TCF4: variants seen among roughly 807,000 people sequenced by gnomAD.
TCF4 encodes the protein SL3-3 enhancer factor 2.
A neutral mutation model predicts 82.1 loss-of-function variants in TCF4; 3 were observed. That is an observed-to-expected ratio of 0.04 (90% confidence interval 0.02 to 0.09). The LOEUF (loss-of-function observed/expected upper bound fraction) is 0.09, where lower values mean the gene tolerates loss of function less well. Ranked by LOEUF, TCF4 falls within the 10% of genes least tolerant of loss-of-function variation. The pLI is 1.00. For synonymous variants in TCF4, 276 were observed against 309.6 expected, an observed-to-expected ratio of 0.89 and a Z score of 1.14; for missense variants, 518 against 852.7, an observed-to-expected ratio of 0.61 and a Z score of 4.89.
intron 6 of TCF4, among the ~76,000 whole-genome samples, chr18:55,393,938 T>C (rs762810188): frequency 6.6e-6 from 1 of 152,234 alleles, no homozygotes; most frequent in Non-Finnish European, 1.5e-5. Context: ...TCAATAAAAC[T>C]ACATATGCCT....
chr18:55,548,393 G>A (rs1335440568), intron 3 of TCF4, among the ~76,000 whole-genome samples: 1 of 152,148 alleles, frequency 6.6e-6, no homozygotes, highest in Non-Finnish European at 1.5e-5. Flanking sequence ...TCTGGTTCCT[G>A]GTGGCATGCT....
In TCF4 at chr18:55,311,329, G is replaced by A. The variant is rs898401693; in HGVS notation, c.550-31673C>T. Among the ~76,000 whole-genome samples the A allele has an allele frequency of 2.0e-5, 3 of 152,160 alleles. No individual in the cohort carries two copies. In the South Asian group the frequency reaches 6.2e-4, roughly 31 times the overall value. ...TTGCAAGCAGGACTTCCCAACCTCAGCACTTCTGAGGGTCTGTCTTGCACG... is the reference window on the plus strand; with the variant it reads ...TTGCAAGCAGGACTTCCCAACCTCAACACTTCTGAGGGTCTGTCTTGCACG... On this transcript the variant is annotated intron_variant, in intron 8 of 19. Transcript: ENST00000354452.
Position 55,621,634 on chromosome 18 carries a change from TATTATATAATATAC to T in TCF4, c.286+9650_286+9663del, listed in dbSNP as rs570527288. On this transcript the variant is annotated intron_variant, in intron 2 of 20. Transcript: ENST00000398339. ...TATATAATATTATATATAATATATA[TATTATATAATATAC>T]ATTATATAATATACATTATATAATA... is the stretch of plus-strand genomic sequence containing the variant. Among the ~76,000 whole-genome samples, 7 of 23,612 alleles carry T rather than the reference TATTATATAATATAC, an allele frequency of 3.0e-4. No individual in the cohort carries two copies. In the East Asian group the frequency reaches 4.2e-3, roughly 14 times the overall value. 15.5% of individuals were successfully genotyped at this position (23,612 alleles called of 152,430 possible). A position where few individuals can be genotyped will look rare whatever the true frequency, so the allele number is the denominator to read the frequency against.
At chr18:55,232,374 G>T in intron 17 of TCF4, 135 bp downstream of exon 17, 1 of 915,188 alleles carries the variant, frequency 1.1e-6, no homozygotes, top group South Asian at 1.6e-5. Flanking sequence ...AGTACTTCTA[G>T]AGTAGGCCTT....
chr18:55,261,941 A>C (rs2145741237), intron 11 of TCF4, among the ~76,000 whole-genome samples: 1 of 152,334 alleles, frequency 6.6e-6, no homozygotes, highest in East Asian at 1.9e-4. Context: ...TCTGTTTTCA[A>C]ATAAATAGAA....
chr18:55,587,451 AAGCCGCTCTTC>A (rs1025612460), intron 1 of TCF4, among the ~76,000 whole-genome samples: 1 of 150,500 alleles, frequency 6.6e-6, no homozygotes, highest in African/African-American at 2.4e-5. Context: ...GAAAAAAAAA[AAGCCGCTCTTC>A]AGCGCATCAT....
intron 8 of TCF4, among the ~76,000 whole-genome samples, chr18:55,324,295 G>A (rs563209844): frequency 1.1e-3 from 169 of 152,310 alleles, no homozygotes; most frequent in Middle Eastern, 6.8e-3. Flanking sequence ...GACACTGAAC[G>A]TATTATCATC....
chr18:55,384,124 C>T (rs1390944762), intron 6 of TCF4: 1 of 152,224 alleles, frequency 6.6e-6, no homozygotes, highest in African/African-American at 2.4e-5. Flanking sequence ...CTTTTCTGAT[C>T]TCTTCAATTA....
chr18:55,346,591 C>CA (rs1247264603), intron 8 of TCF4, among the ~76,000 whole-genome samples: 2 of 152,078 alleles, frequency 1.3e-5, no homozygotes, highest in Non-Finnish European at 2.9e-5. Flanking sequence ...ATCTGATGTT[C>CA]AAGAGATTCC....
chr18:55,475,786 T>C (rs2096276682), intron 3 of TCF4, among the ~76,000 whole-genome samples: 1 of 152,188 alleles, frequency 6.6e-6, no homozygotes. Context: ...GTAAGAAATA[T>C]TCTTCAATCG....
intron 3 of TCF4, among the ~76,000 whole-genome samples, chr18:55,483,124 C>T (rs375733745): frequency 3.9e-5 from 6 of 152,152 alleles, no homozygotes; most frequent in Non-Finnish European, 7.3e-5. Flanking sequence ...GCACCCTCGG[C>T]GACTCTTGGT....
chr18:55,234,504 A>C, intron 16 of TCF4, 44 bp downstream of exon 16: 1 of 1,613,960 alleles, frequency 6.2e-7, no homozygotes, highest in Non-Finnish European at 8.5e-7. Flanking sequence ...CACTGGTCCT[A>C]TTGTGAAAGT....
At chr18:55,467,752 G>C (rs184118700) in intron 3 of TCF4, among the ~76,000 whole-genome samples, 1 of 152,106 alleles carries the variant, frequency 6.6e-6, no homozygotes, top group Non-Finnish European at 1.5e-5. Flanking sequence ...GACACTGCAC[G>C]GTCTTTTATA....
At chr18:55,465,390 T>G (rs2095990628) in intron 3 of TCF4, among the ~76,000 whole-genome samples, 1 of 152,178 alleles carries the variant, frequency 6.6e-6, no homozygotes, top group African/African-American at 2.4e-5. Flanking sequence ...CAACAACAAC[T>G]AAGTTATTAC....
chr18:55,381,514 C>T (rs2091895237), intron 6 of TCF4, among the ~76,000 whole-genome samples: 1 of 152,232 alleles, frequency 6.6e-6, no homozygotes, highest in South Asian at 2.1e-4. Flanking sequence ...AATGGTGCTA[C>T]TGCAGCATAA....
intron 8 of TCF4, chr18:55,302,340 G>T: frequency 7.5e-7 from 1 of 1,330,208 alleles, no homozygotes; most frequent in Non-Finnish European, 1.0e-6. Context: ...ACAAGTCAAA[G>T]CAGCACAGTG....
intron 5 of TCF4, among the ~76,000 whole-genome samples, chr18:55,420,024 T>A (rs539287654): frequency 1.3e-5 from 2 of 152,178 alleles, no homozygotes; most frequent in Non-Finnish European, 2.9e-5. Flanking sequence ...AGGTTTCCTA[T>A]TACAGAGTTC....
At chr18:55,449,573 C>T (rs144114554) in intron 5 of TCF4, among the ~76,000 whole-genome samples, 2 of 152,254 alleles carry the variant, frequency 1.3e-5, no homozygotes, top group East Asian at 1.9e-4. Context: ...TTGAAGCATT[C>T]AGATTTGGCT....
intron 3 of TCF4, among the ~76,000 whole-genome samples, chr18:55,557,025 A>C (rs1603622837): frequency 1.3e-5 from 2 of 152,114 alleles, no homozygotes; most frequent in African/African-American, 2.4e-5. Flanking sequence ...ATCCAAAAAC[A>C]CCTCTGCTTT....
Sources: allele counts gnomAD v4.1 joint callset (sites outside exome capture counted in the v4.1 genomes callset), GRCh38; gene constraint gnomAD v4.1.1; transcripts MANE v1.5; gene names NCBI Gene and HGNC (gene_info 2026-07-23, HGNC 2026-07-21).